The following HRH3 variants were observed in gnomAD, a reference collection of about 807,000 sequenced individuals.
HRH3 encodes the protein histamine receptor H3, also known as histamine H3 receptor.
Under a neutral mutation model 21.6 loss-of-function variants are expected in HRH3, and 13 were observed. The observed-to-expected ratio is 0.60, with a 90% CI of 0.39 to 0.96. The LOEUF (loss-of-function observed/expected upper bound fraction) is 0.96, where lower values mean the gene tolerates loss of function less well. Among genes scored for constraint, HRH3 ranks in the 40% least tolerant of loss-of-function variants. The probability of loss-of-function intolerance (pLI) is 0.00; values close to 1 mark genes in which losing one functional copy is unlikely to be tolerated. For synonymous variants in HRH3, 276 were observed against 290.3 expected, an observed-to-expected ratio of 0.95 and a Z score of 0.50; for missense variants, 461 against 622.7, an observed-to-expected ratio of 0.74 and a Z score of 2.76.
intron 2 of HRH3, among the ~76,000 whole-genome samples, chr20:62,217,330 G>T (rs565125256): frequency 1.2e-4 from 19 of 152,320 alleles, no homozygotes; most frequent in South Asian, 4.1e-4. Flanking sequence ...TCCTGCAAAG[G>T]CCCGAGCCAT....
chr20:62,216,531 C>T lies in HRH3; in HGVS notation c.813G>A (p.Pro271=), dbSNP rs539244677. The stretch of plus-strand genomic sequence containing the variant: ...CCTCACCCACCCCATACCTGTGCAG[C>T]GGCATGGCCTCCCCGTGCCCCTTCT... The part of the protein sequence containing the change: ...CWQKGHGEAM[P]LHRYGVGEAA... The change falls in exon 3 of 3, where the codon CCG becomes CCA. Residue 271 remains proline (P), a synonymous_variant. Transcript: ENST00000340177. 2.1e-5 allele frequency: 33 copies of T among 1,599,492 alleles called. No individual in the cohort carries two copies. Among genetic ancestry groups the T allele is most frequent in the South Asian group, 8.9e-5 (8 of 89,608 alleles).
Position 62,215,873 on chromosome 20 carries a change from G to T in HRH3, c.*133C>A. ...GCCTCCATGGCAGGGTGGCTGCCGT[G>T]GCATTAAGAGAGGGCCACAGACACG... On this transcript the variant is annotated 3_prime_UTR_variant, in exon 3 of 3. Coordinates refer to ENST00000340177, the MANE Select transcript of HRH3 (RefSeq NM_007232.3). 1 of 878,988 alleles carries T rather than the reference G, an allele frequency of 1.1e-6. No individual in the cohort carries two copies. Among genetic ancestry groups the T allele is most frequent in the African/African-American group, 1.7e-5 (1 of 59,062 alleles). 54.4% of individuals were successfully genotyped at this position (878,988 alleles called of 1,614,324 possible).
rs1274576552 is a variant in HRH3, at chr20:62,218,212, G to T, written c.417+279C>A. On this transcript the variant is annotated intron_variant, in intron 2 of 2. Coordinates refer to ENST00000340177, the MANE Select transcript of HRH3 (RefSeq NM_007232.3). This position sits in a 1 kb window ranked among gnomAD's most constrained non-coding sequence, Gnocchi z 5.6. ...ATCCTCCCTTAACTCCGGGGACTGTGGACCTGCCCCAGGGCGGGGGCTGCA... is the reference window on the plus strand; with the variant it reads ...ATCCTCCCTTAACTCCGGGGACTGTTGACCTGCCCCAGGGCGGGGGCTGCA... Among the ~76,000 whole-genome samples the T allele has an allele frequency of 3.3e-5, 5 of 152,238 alleles. No homozygotes were observed. The highest frequency in any genetic ancestry group is 5.9e-5 in the Non-Finnish European group (4 of 68,032).
chr20:62,217,604 CAGGT>C (rs1978632414), intron 2 of HRH3, among the ~76,000 whole-genome samples: 1 of 152,150 alleles, frequency 6.6e-6, no homozygotes, highest in South Asian at 2.1e-4. Context: ...TGAGGGGTCT[CAGGT>C]AGGACAGCTC....
In HRH3 at chr20:62,218,747, A is replaced by G; in HGVS notation, c.251-90T>C. 1 of 1,286,792 alleles carries G rather than the reference A, an allele frequency of 7.8e-7. No homozygotes were observed. 79.7% of individuals were successfully genotyped at this position (1,286,792 alleles called of 1,614,324 possible). ...GCAGACACCGGCGGGACCTGGGGTC[A>G]CATGGTGGCTGCTTTTCTGGAACTA... On this transcript the variant is annotated intron_variant, in intron 1 of 2. Transcript: ENST00000340177. This position sits in a 1 kb window ranked among gnomAD's most constrained non-coding sequence, Gnocchi z 5.6.
At position 62,219,889 on chromosome 20, in the gene HRH3, C is replaced by T. The variant is rs1978740511; in HGVS notation, c.82G>A (p.Gly28Ser). Reference sequence around the variant, plus strand: ...ACCGCGGTCCAGGCTGCCGAGAAGCCGCGCGCCCCGCCCGCCGCCGCCGCC... The same window carrying T: ...ACCGCGGTCCAGGCTGCCGAGAAGCTGCGCGCCCCGCCCGCCGCCGCCGCC... ...GEAAAAGGARGFSAAWTAVLA... is the reference protein window; with the variant it reads ...GEAAAAGGARSFSAAWTAVLA... Residue 28 changes from glycine (G) to serine (S), a missense_variant, in exon 1 of 3, where the codon GGC becomes AGC. Physicochemically the swap from Gly to Ser is moderately conservative, Grantham distance 56. This residue lies in a region of HRH3 where 102 missense variants were observed against 155.6 expected (regional missense o/e 0.66). Coordinates refer to ENST00000340177, the MANE Select transcript of HRH3 (RefSeq NM_007232.3). The surrounding 1 kb of genome is among the most constrained non-coding windows in gnomAD (Gnocchi z 8.7). 1.4e-6 allele frequency: 2 copies of T among 1,407,108 alleles called. No homozygotes were observed. Among genetic ancestry groups the T allele is most frequent in the East Asian group, 3.1e-5 (1 of 32,236 alleles). 87.2% of individuals were successfully genotyped at this position (1,407,108 alleles called of 1,614,324 possible).
rs201371445 is a variant in HRH3 at position 62,214,971 on chromosome 20, A to T, written c.*1035T>A. 3 of 207,540 alleles carry T rather than the reference A, an allele frequency of 1.4e-5. No homozygotes were observed. The highest frequency in any genetic ancestry group is 1.7e-4 in the South Asian group (2 of 11,738). The allele number at this position is 207,540 out of a possible 1,614,324, so 12.9% of individuals were successfully genotyped here. Reference sequence around the variant, plus strand: ...AAAGTCCTCAGGAATCAGCACCAATAAAAAAATACACTTTATTGTGACCTC... The same window carrying T: ...AAAGTCCTCAGGAATCAGCACCAATTAAAAAATACACTTTATTGTGACCTC... On this transcript the variant is annotated 3_prime_UTR_variant, in exon 3 of 3. Coordinates refer to ENST00000340177, the MANE Select transcript of HRH3 (RefSeq NM_007232.3).
At position 62,218,445 on chromosome 20, in the gene HRH3, G is replaced by T. The variant is rs199698062; in HGVS notation, c.417+46C>A. 6.3e-7 allele frequency: 1 copy of T among 1,589,720 alleles called. No homozygotes were observed. ...CCCAGGTGCCTCCCATGGGCGTCCCGACTGTCCCTGCGGAGTGAACAGGAG... is the reference window on the plus strand; with the variant it reads ...CCCAGGTGCCTCCCATGGGCGTCCCTACTGTCCCTGCGGAGTGAACAGGAG... On this transcript the variant is annotated intron_variant, in intron 2 of 2. Transcript: ENST00000340177. The surrounding 1 kb of genome is among the most constrained non-coding windows in gnomAD (Gnocchi z 5.6).
Position 62,215,786 on chromosome 20 carries a change from A to G in HRH3, c.*220T>C, listed in dbSNP as rs2145886371. The stretch of plus-strand genomic sequence containing the variant: ...CCGGTGGAGCCAGAATGTGGGGGGC[A>G]GGGCCGGCCACCCAGCCTCCAGTCC... On this transcript the variant is annotated 3_prime_UTR_variant, in exon 3 of 3. Transcript: ENST00000340177. 1 of 578,946 alleles carries G rather than the reference A, an allele frequency of 1.7e-6. No individual in the cohort carries two copies. Among genetic ancestry groups the G allele is most frequent in the East Asian group, 2.8e-5 (1 of 35,108 alleles). 35.9% of individuals were successfully genotyped at this position (578,946 alleles called of 1,614,324 possible).
rs151091231 is a variant in HRH3 at position 62,218,533 on chromosome 20, G to A, written c.375C>T (p.Ile125=). ...GGAAGCGGTCGTAGCTGATGAGCACGATGTTGAAGGCAGAGGAGGTGCACA... is the reference window on the plus strand; with the variant it reads ...GGAAGCGGTCGTAGCTGATGAGCACAATGTTGAAGGCAGAGGAGGTGCACA... The part of the protein sequence containing the change: ...YLLCTSSAFN[I]VLISYDRFLS... The change falls in exon 2 of 3, where the codon ATC becomes ATT. Residue 125 remains isoleucine, a synonymous_variant. Coordinates refer to ENST00000340177, the MANE Select transcript of HRH3 (RefSeq NM_007232.3). This position sits in a 1 kb window ranked among gnomAD's most constrained non-coding sequence, Gnocchi z 5.6. 43 of 1,612,198 alleles carry A rather than the reference G, an allele frequency of 2.7e-5. No individual in the cohort carries two copies. In the African/African-American group the frequency reaches 2.8e-4, roughly 11 times the overall value.
At chr20:62,217,578 G>A (rs982121448) in intron 2 of HRH3, among the ~76,000 whole-genome samples, 1 of 152,136 alleles carries the variant, frequency 6.6e-6, no homozygotes, top group African/African-American at 2.4e-5. Flanking sequence ...GGGGCAGGAG[G>A]GCCAAGGGAT....
Position 62,216,910 on chromosome 20 carries a change from T to C in HRH3, c.434A>G (p.Gln145Arg), listed in dbSNP as rs778522381. 1.9e-6 allele frequency: 3 copies of C among 1,604,590 alleles called. No individual in the cohort carries two copies. The East Asian group carries it at 6.7e-5, about 36-fold the overall frequency. Residue 145 changes from glutamine to arginine, a missense_variant, in exon 3 of 3, where the codon CAG becomes CGG. Gln to Arg is a conservative substitution (Grantham distance 43). Coordinates refer to ENST00000340177, the MANE Select transcript of HRH3 (RefSeq NM_007232.3). ...CACTGCCCGCCGCGTGTCACCCTGC[T>C]GGGCCCGGTATGAGACCTGCAGAAG... The part of the protein sequence containing the change: ...SVTRAVSYRA[Q>R]QGDTRRAVRK...
In HRH3 at chr20:62,219,550, G is replaced by A. The variant is rs1456118468; in HGVS notation, c.250+171C>T. On this transcript the variant is annotated intron_variant, in intron 1 of 2. Coordinates refer to ENST00000340177, the MANE Select transcript of HRH3 (RefSeq NM_007232.3). The surrounding 1 kb of genome is among the most constrained non-coding windows in gnomAD (Gnocchi z 8.7). ...CCTGTCCCGAGGCCTGAGTGGCAAG[G>A]AACTTCGCCTGTGCCCCCCACCCCA... 6.6e-6 allele frequency among the ~76,000 whole-genome samples: 1 copy of A among 152,084 alleles called. No homozygotes were observed. The highest frequency in any genetic ancestry group is 1.5e-5 in the Non-Finnish European group (1 of 67,984).
In HRH3 at chr20:62,215,077, C is replaced by T. The variant is rs201783541; in HGVS notation, c.*929G>A. On this transcript the variant is annotated 3_prime_UTR_variant, in exon 3 of 3. Coordinates refer to ENST00000340177, the MANE Select transcript of HRH3 (RefSeq NM_007232.3). Reference sequence around the variant, plus strand: ...CACGGGTGCACAGCACATGGCGAAGCGGCCCCTGCCCGGGCACCTCCTCTG... The same window carrying T: ...CACGGGTGCACAGCACATGGCGAAGTGGCCCCTGCCCGGGCACCTCCTCTG... 6.1e-6 allele frequency: 2 copies of T among 329,794 alleles called. No homozygotes were observed. Among genetic ancestry groups the T allele is most frequent in the South Asian group, 2.5e-5 (1 of 40,348 alleles). The allele number at this position is 329,794 out of a possible 1,614,324, so 20.4% of individuals were successfully genotyped here.
Position 62,220,091 on chromosome 20 carries a change from C to G in HRH3, c.-121G>C. The G allele has an allele frequency of 1.2e-6, 1 of 857,846 alleles. No homozygotes were observed. Among genetic ancestry groups the G allele is most frequent in the Non-Finnish European group, 1.4e-6 (1 of 714,728 alleles). The allele number at this position is 857,846 out of a possible 1,614,324, so 53.1% of individuals were successfully genotyped here. ...GCGGGCCCTTGGCCGGGTCGGGTTC[C>G]CCTGGGGGCGCCCAGCGCATGGTCC... On this transcript the variant is annotated 5_prime_UTR_variant, in exon 1 of 3. Coordinates refer to ENST00000340177, the MANE Select transcript of HRH3 (RefSeq NM_007232.3).
chr20:62,216,543 C>T lies in HRH3; in HGVS notation c.801G>A (p.Gly267=). The T allele has an allele frequency of 6.2e-7, 1 of 1,602,958 alleles. No individual in the cohort carries two copies. Among genetic ancestry groups the T allele is most frequent in the Non-Finnish European group, 8.5e-7 (1 of 1,175,554 alleles). Residue 267 remains glycine (G), a synonymous_variant, in exon 3 of 3, where the codon GGG becomes GGA. Coordinates refer to ENST00000340177, the MANE Select transcript of HRH3 (RefSeq NM_007232.3). ...CATACCTGTGCAGCGGCATGGCCTC[C>T]CCGTGCCCCTTCTGCCAGCAGCCCC... is the stretch of plus-strand genomic sequence containing the variant. ...GCWGCWQKGH[G]EAMPLHRYGV... is the part of the protein sequence containing the mutation.
intron 2 of HRH3, among the ~76,000 whole-genome samples, chr20:62,217,566 AG>A (rs1301705230): frequency 6.6e-6 from 1 of 152,180 alleles, no homozygotes; most frequent in East Asian, 1.9e-4. Flanking sequence ...TGGTGGGGGC[AG>A]GGGGCAGGAG....
chr20:62,215,926 C>A lies in HRH3; in HGVS notation c.*80G>T, dbSNP rs181550929. 14 of 1,359,088 alleles carry A rather than the reference C, an allele frequency of 1.0e-5. No homozygotes were observed. The highest frequency in any genetic ancestry group is 1.4e-5 in the Non-Finnish European group (14 of 1,016,116). The allele number at this position is 1,359,088 out of a possible 1,614,324, so 84.2% of individuals were successfully genotyped here. ...GGGGCTCACCCCTGGGGGAACGAGCCGGGTAGGGGGCAGCAGGGCCAGATG... is the reference window on the plus strand; with the variant it reads ...GGGGCTCACCCCTGGGGGAACGAGCAGGGTAGGGGGCAGCAGGGCCAGATG... On this transcript the variant is annotated 3_prime_UTR_variant, in exon 3 of 3. Transcript: ENST00000340177.
Position 62,219,922 on chromosome 20 carries a change from C to T in HRH3, c.49G>A (p.Ala17Thr). The T allele has an allele frequency of 2.3e-6, 3 of 1,298,922 alleles. No individual in the cohort carries two copies. The highest frequency in any genetic ancestry group is 2.9e-6 in the Non-Finnish European group (3 of 1,030,716). 80.5% of individuals were successfully genotyped at this position (1,298,922 alleles called of 1,614,324 possible). ...CCGCCCGCCGCCGCCGCCTCGCCCG[C>T]CAGCGCCCCCGAAGCGTTCAGCGGC... is the stretch of plus-strand genomic sequence containing the variant. ...DGPLNASGALAGEAAAAGGAR... is the reference protein window; with the variant it reads ...DGPLNASGALTGEAAAAGGAR... Residue 17 changes from alanine (A) to threonine (T), a missense_variant, in exon 1 of 3, where the codon GCG becomes ACG. Ala to Thr is a moderately conservative substitution (Grantham distance 58). Coordinates refer to ENST00000340177, the MANE Select transcript of HRH3 (RefSeq NM_007232.3). This position sits in a 1 kb window ranked among gnomAD's most constrained non-coding sequence, Gnocchi z 8.7.
Sources: gnomAD v4.1 joint callset for allele counts (sites outside exome capture counted in the v4.1 genomes callset) on GRCh38, gnomAD v4.1.1 for gene constraint, gnomAD v4.1.1 regional missense constraint, Gnocchi (gnomAD v3.1) non-coding constraint, MANE v1.5 for transcripts, NCBI Gene and HGNC (gene_info 2026-07-23, HGNC 2026-07-21) for gene names.